The following POLR1F variants were observed in gnomAD, a reference collection of about 807,000 sequenced individuals.
POLR1F encodes RNA polymerase I subunit F.
In POLR1F, 23 loss-of-function variants were observed where a neutral mutation model predicts 21.8. That is an observed-to-expected ratio of 1.05 (90% CI 0.76 to 1.49). The LOEUF is 1.49. Among genes scored for constraint, POLR1F ranks in the 40% most tolerant of loss-of-function variants. The pLI, the probability that POLR1F is intolerant of heterozygous loss-of-function variation, is 0.00. For synonymous variants in POLR1F, 162 were observed against 152.8 expected, an observed-to-expected ratio of 1.06 and a Z score of -0.45; for missense variants, 435 against 412.1, an observed-to-expected ratio of 1.06 and a Z score of -0.48.
intron 1 of POLR1F, among the ~76,000 whole-genome samples, chr7:19,706,752 T>C (rs1253377610): frequency 6.6e-6 from 1 of 152,240 alleles, no homozygotes. Context: ...TCATCAGATA[T>C]GTGAACACAG....
intron 2 of POLR1F, among the ~76,000 whole-genome samples, 181 bp downstream of exon 2, chr7:19,704,598 G>T (rs1340651297): frequency 6.6e-6 from 1 of 151,918 alleles, no homozygotes; most frequent in Non-Finnish European, 1.5e-5. Flanking sequence ...TGTTTTAGGA[G>T]GATATTCAAA....
In POLR1F at chr7:19,696,338, T is replaced by G. The variant is rs1783364272; in HGVS notation, c.*1978A>C. On this transcript the variant is annotated 3_prime_UTR_variant, in exon 4 of 4. Transcript: ENST00000222567. ...CAAGTTCAGCATGCCGTTCCCTGTT[T>G]AATTCATAAAACACAACTGGCAGAA... The G allele has an allele frequency of 1.3e-5, 2 of 152,126 alleles. No homozygotes were observed. Among genetic ancestry groups the G allele is most frequent in the South Asian group, 4.1e-4 (2 of 4,826 alleles). The allele number at this position is 152,126 out of a possible 1,614,324, so 9.4% of individuals were successfully genotyped here.
chr7:19,700,852 A>G (rs1039407177), intron 2 of POLR1F, among the ~76,000 whole-genome samples: 1 of 152,222 alleles, frequency 6.6e-6, no homozygotes, highest in African/African-American at 2.4e-5. Flanking sequence ...GACCATGACT[A>G]TTTTTTGGCT....
In POLR1F at chr7:19,698,499, CTTTTTCTTT is replaced by C; in HGVS notation, c.825_833del (p.Lys281_Lys283del). On this transcript the variant is annotated inframe_deletion, in exon 4 of 4. Transcript: ENST00000222567. ...CTTCCTGGTGCTTTTTCTTCTTCTT[CTTTTTCTTT>C]GGCTCCTCCTCCCAGATGCCATTCG... is the stretch of plus-strand genomic sequence containing the variant. The C allele has an allele frequency of 6.2e-7, 1 of 1,607,280 alleles. No homozygotes were observed. The highest frequency in any genetic ancestry group is 8.5e-7 in the Non-Finnish European group (1 of 1,178,420).
chr7:19,708,217 T>A (rs73680668), intron 1 of POLR1F, among the ~76,000 whole-genome samples: 4,162 of 152,208 alleles, frequency 0.027, 171 homozygotes, highest in African/African-American at 0.095. Context: ...ATTTTCATAA[T>A]CCCCAGATCA....
intron 1 of POLR1F, among the ~76,000 whole-genome samples, chr7:19,707,858 G>A (rs1051199657): frequency 1.3e-5 from 2 of 152,164 alleles, no homozygotes; most frequent in Non-Finnish European, 2.9e-5. Flanking sequence ...GCAGATTCTA[G>A]ACATGGGTGG....
At position 19,697,378 on chromosome 7, in the gene POLR1F, A is replaced by C. The variant is rs922032904; in HGVS notation, c.*938T>G. 2.0e-5 allele frequency: 3 copies of C among 152,146 alleles called. No individual in the cohort carries two copies. The highest frequency in any genetic ancestry group is 2.9e-5 in the Non-Finnish European group (2 of 67,982). 9.4% of individuals were successfully genotyped at this position (152,146 alleles called of 1,614,324 possible). On this transcript the variant is annotated 3_prime_UTR_variant, in exon 4 of 4. Transcript: ENST00000222567. ...GGTCAAGTGTGTGGAAAATGAATAA[A>C]TATGGCCATGCATTGATTACCAGCT...
intron 1 of POLR1F, 76 bp from the exon 2 acceptor site, chr7:19,704,996 C>T: frequency 3.4e-6 from 5 of 1,452,988 alleles, no homozygotes; most frequent in Non-Finnish European, 3.7e-6. Context: ...CAGGGTCTTG[C>T]TCTGTCACCC....
chr7:19,705,462 A>G (rs1210395782), intron 1 of POLR1F: 1 of 153,234 alleles, frequency 6.5e-6, no homozygotes, highest in Non-Finnish European at 1.5e-5. Context: ...CTCTGTGGAC[A>G]TGACTGAATA....
At chr7:19,704,311 T>A (rs1783487255) in intron 2 of POLR1F, among the ~76,000 whole-genome samples, 1 of 152,202 alleles carries the variant, frequency 6.6e-6, no homozygotes, top group South Asian at 2.1e-4. Flanking sequence ...TTCCAGCTTA[T>A]GAAAAACTGG....
chr7:19,695,547 A>G lies in POLR1F; in HGVS notation c.*2769T>C, dbSNP rs943117760. The G allele has an allele frequency of 1.2e-4, 19 of 152,154 alleles. No homozygotes were observed. Among genetic ancestry groups the G allele is most frequent in the South Asian group, 2.1e-4 (1 of 4,838 alleles). The allele number at this position is 152,154 out of a possible 1,614,324, so 9.4% of individuals were successfully genotyped here. A position where few individuals can be genotyped will look rare whatever the true frequency, so the allele number is the denominator to read the frequency against. On this transcript the variant is annotated 3_prime_UTR_variant, in exon 4 of 4. Coordinates refer to ENST00000222567, the MANE Select transcript of POLR1F (RefSeq NM_001002926.2). ...TACAAAGGATTCACTGTTAAATACT[A>G]TAGATATAGTTAAGGCATAATTCCA... is the stretch of plus-strand genomic sequence containing the variant.
intron 3 of POLR1F, 68 bp from the exon 4 acceptor site, chr7:19,698,795 G>A: frequency 1.5e-6 from 2 of 1,318,804 alleles, no homozygotes; most frequent in Non-Finnish European, 2.0e-6. Context: ...TTGAGATCAA[G>A]ATATCCCAAC....
In POLR1F at chr7:19,696,562, C is replaced by A. The variant is rs1470581731; in HGVS notation, c.*1754G>T. 3 of 151,986 alleles carry A rather than the reference C, an allele frequency of 2.0e-5. No homozygotes were observed. The highest frequency in any genetic ancestry group is 4.4e-5 in the Non-Finnish European group (3 of 67,904). 9.4% of individuals were successfully genotyped at this position (151,986 alleles called of 1,614,324 possible). On this transcript the variant is annotated 3_prime_UTR_variant, in exon 4 of 4. Transcript: ENST00000222567. Reference sequence around the variant, plus strand: ...CAAATTTTAAAATGTGAAGGGAACACTTACTAAGCATTTCCTGGGTATGCC... The same window carrying A: ...CAAATTTTAAAATGTGAAGGGAACAATTACTAAGCATTTCCTGGGTATGCC...
rs1783389247 is a variant in POLR1F, at chr7:19,697,643, G to C, written c.*673C>G. On this transcript the variant is annotated 3_prime_UTR_variant, in exon 4 of 4. Transcript: ENST00000222567. ...GAATGGCTGAGGCACAAATGAACAAGTACAAGAAAACAGTCCTTTCCAGCA... is the reference window on the plus strand; with the variant it reads ...GAATGGCTGAGGCACAAATGAACAACTACAAGAAAACAGTCCTTTCCAGCA... The C allele has an allele frequency of 6.6e-6, 1 of 152,128 alleles. No individual in the cohort carries two copies. The highest frequency in any genetic ancestry group is 2.1e-4 in the South Asian group (1 of 4,826). 9.4% of individuals were successfully genotyped at this position (152,128 alleles called of 1,614,324 possible).
Position 19,708,970 on chromosome 7 carries a change from T to C in POLR1F, c.47A>G (p.Asp16Gly), listed in dbSNP as rs767333877. 20 of 1,600,872 alleles carry C rather than the reference T, an allele frequency of 1.2e-5. No homozygotes were observed. The East Asian group carries it at 3.4e-4, about 27-fold the overall frequency. ...GCCAGCCTGCCCTACCAGAGACCCA[T>C]CAGAAGCCGCCGCTGGCCGCGGCGC... is the stretch of plus-strand genomic sequence containing the variant. The part of the protein sequence containing the change: ...SEAPRPAAAS[D>G]GSLVGQAGVL... The change falls in exon 1 of 4, where the codon GAT becomes GGT. Residue 16 changes from aspartate to glycine, a missense_variant. Coordinates refer to ENST00000222567, the MANE Select transcript of POLR1F (RefSeq NM_001002926.2).
At chr7:19,704,637 TA>T (rs897434704) in intron 2 of POLR1F, 141 bp downstream of exon 2, 1 of 781,166 alleles carries the variant, frequency 1.3e-6, no homozygotes, top group Admixed American at 3.9e-5. Flanking sequence ...TGATACAAAT[TA>T]ATTTTTCCTT....
rs1562594503 is a variant in POLR1F, at chr7:19,697,003, T to C, written c.*1313A>G. ...AACATCTGCCACTCTGCCAATTCTA[T>C]ATCCCATCATTGTAAGTTCAGATCA... On this transcript the variant is annotated 3_prime_UTR_variant, in exon 4 of 4. Coordinates refer to ENST00000222567, the MANE Select transcript of POLR1F (RefSeq NM_001002926.2). 1.3e-5 allele frequency: 2 copies of C among 152,104 alleles called. No homozygotes were observed. The highest frequency in any genetic ancestry group is 6.5e-5 in the Admixed American group (1 of 15,270). The allele number at this position is 152,104 out of a possible 1,614,324, so 9.4% of individuals were successfully genotyped here.
chr7:19,702,104 A>G (rs1783453816), intron 2 of POLR1F, among the ~76,000 whole-genome samples: 2 of 152,156 alleles, frequency 1.3e-5, no homozygotes, highest in South Asian at 4.1e-4. Context: ...AGAATGTACA[A>G]CACAAAGACT....
chr7:19,708,919 G>A lies in POLR1F; in HGVS notation c.98C>T (p.Thr33Ile), dbSNP rs1272881995. Residue 33 changes from threonine to isoleucine, a missense_variant, in exon 1 of 4, where the codon ACT (threonine) becomes ATT (isoleucine). By Grantham distance (89) the Thr-to-Ile change is moderately conservative. Transcript: ENST00000222567. ...CACCAGCGCACAAGCAGCGGCATAA[G>A]TCGGCAACTCTAGGCAAGGCAGGAC... ...AGVLPCLELP[T>I]YAAACALVNS... 20 of 1,613,840 alleles carry A rather than the reference G, an allele frequency of 1.2e-5. No individual in the cohort carries two copies. The highest frequency in any genetic ancestry group is 2.2e-5 in the East Asian group (1 of 44,886).
Sources: allele counts gnomAD v4.1 joint callset (sites outside exome capture counted in the v4.1 genomes callset), GRCh38; gene constraint gnomAD v4.1.1; transcripts MANE v1.5; gene names NCBI Gene and HGNC (gene_info 2026-07-23, HGNC 2026-07-21).